Variants in KLHL1 observed in about 807,000 individuals in gnomAD.
KLHL1 encodes kelch-like protein 1.
KLHL1 carries 47 observed loss-of-function variants against 77.7 expected under a neutral mutation model. The ratio of observed to expected loss-of-function variants is 0.60; its 90% CI spans 0.48 to 0.77. KLHL1 has a LOEUF of 0.77. KLHL1 is among the 30% of genes least tolerant of loss of function. The probability of loss-of-function intolerance (pLI) is 0.00; values close to 1 mark genes in which losing one functional copy is unlikely to be tolerated. For missense variants in KLHL1, 925 were observed against 910.8 expected (o/e 1.02, Z -0.20); for synonymous variants, 360 against 325.2 (o/e 1.11, Z -1.15).
chr13:69,752,779 T>C (rs1490936932), intron 7 of KLHL1, among the ~76,000 whole-genome samples: 1 of 152,102 alleles, frequency 6.6e-6, no homozygotes, highest in East Asian at 1.9e-4. Flanking sequence ...GAGCGGAACA[T>C]AGAAAAAAAC....
chr13:70,041,101 G>A (rs1035957090), intron 1 of KLHL1, among the ~76,000 whole-genome samples: 10 of 151,868 alleles, frequency 6.6e-5, no homozygotes, highest in Admixed American at 2.0e-4. Context: ...GTTCTTCATT[G>A]TCTCTTCTAT....
chr13:69,722,941 G>C (rs899926462), intron 8 of KLHL1, among the ~76,000 whole-genome samples: 2 of 151,952 alleles, frequency 1.3e-5, no homozygotes, highest in African/African-American at 4.8e-5. Flanking sequence ...TGGATAAATG[G>C]ATAATGGAAA....
chr13:69,937,154 GC>G (rs1883212149), intron 4 of KLHL1, among the ~76,000 whole-genome samples: 1 of 152,160 alleles, frequency 6.6e-6, no homozygotes, highest in African/African-American at 2.4e-5. Context: ...TGACAACTCA[GC>G]AGGGAAGGAA....
At chr13:69,784,016 TG>T (rs1465249119) in intron 7 of KLHL1, among the ~76,000 whole-genome samples, 2 of 152,162 alleles carry the variant, frequency 1.3e-5, no homozygotes, top group Non-Finnish European at 2.9e-5. Flanking sequence ...CAGAAGAGAC[TG>T]GGGGCCAAAA....
In KLHL1 at chr13:69,882,379, A is replaced by C. The variant is rs1345459340; in HGVS notation, c.1131T>G (p.His377Gln). The part of the protein sequence containing the change: ...VNVPDEETIF[H>Q]ALMMWVKYDM... The stretch of plus-strand genomic sequence containing the variant: ...CATACTTGACCCACATCATCAATGC[A>C]TGGAAGATGGTTTCTTCATCAGGAA... The change falls in exon 5 of 11, where the codon CAT becomes CAG. Residue 377 changes from histidine to glutamine, a missense_variant. Coordinates refer to ENST00000377844, the MANE Select transcript of KLHL1 (RefSeq NM_020866.3). 1.2e-6 allele frequency: 2 copies of C among 1,613,694 alleles called. No homozygotes were observed. The highest frequency in any genetic ancestry group is 1.7e-6 in the Non-Finnish European group (2 of 1,179,610).
intron 1 of KLHL1, among the ~76,000 whole-genome samples, chr13:70,053,689 A>C (rs1886680434): frequency 6.6e-6 from 1 of 152,146 alleles, no homozygotes; most frequent in African/African-American, 2.4e-5. Flanking sequence ...ATATGTTTTT[A>C]GACTGTGTAT....
At chr13:69,755,608 T>C (rs1439429606) in intron 7 of KLHL1, among the ~76,000 whole-genome samples, 1 of 152,096 alleles carries the variant, frequency 6.6e-6, no homozygotes, top group Non-Finnish European at 1.5e-5. Context: ...TTAATGTAAC[T>C]AATACATCTT....
rs1382502688 is a variant in KLHL1 at position 69,988,751 on chromosome 13, G to A, written c.498-12949C>T. Among the ~76,000 whole-genome samples, 3 of 152,144 alleles carry A rather than the reference G, an allele frequency of 2.0e-5. No individual in the cohort carries two copies. In the East Asian group the frequency reaches 5.8e-4, roughly 29 times the overall value. On this transcript the variant is annotated intron_variant, in intron 1 of 10. Transcript: ENST00000377844. ...TTTTTCATAAGTATATTGGCTGCAA[G>A]TATGTCTTCCTTTGACAAGTGTCTT...
chr13:70,106,429 A>T (rs1013529432), intron 1 of KLHL1, among the ~76,000 whole-genome samples: 28 of 152,274 alleles, frequency 1.8e-4, no homozygotes, highest in African/African-American at 6.3e-4. Context: ...TCTATGAAGG[A>T]TTTTCTGTAA....
intron 1 of KLHL1, among the ~76,000 whole-genome samples, chr13:70,028,563 T>C (rs2137362376): frequency 6.6e-6 from 1 of 152,212 alleles, no homozygotes; most frequent in Middle Eastern, 3.4e-3. Context: ...AATGAATATT[T>C]CCCAATACTA....
At chr13:69,774,124 T>C (rs12427812) in intron 7 of KLHL1, among the ~76,000 whole-genome samples, 19,472 of 151,814 alleles carry the variant, frequency 0.13, 1,570 homozygotes, top group African/African-American at 0.23. Context: ...AACACAGCAG[T>C]ATTACTCTTT....
intron 1 of KLHL1, among the ~76,000 whole-genome samples, chr13:70,037,346 G>A (rs1886264848): frequency 6.6e-6 from 1 of 151,972 alleles, no homozygotes; most frequent in Non-Finnish European, 1.5e-5. Context: ...TAAGCACGTT[G>A]AACATATAAT....
At chr13:69,995,009 C>T (rs1244471258) in intron 1 of KLHL1, among the ~76,000 whole-genome samples, 1 of 152,060 alleles carries the variant, frequency 6.6e-6, no homozygotes, top group Admixed American at 6.6e-5. Context: ...GTACCAAAGA[C>T]AGTGTGGACA....
chr13:70,052,329 A>G (rs1257908850), intron 1 of KLHL1, among the ~76,000 whole-genome samples: 3 of 151,812 alleles, frequency 2.0e-5, no homozygotes, highest in African/African-American at 7.3e-5. Context: ...ATGTAAACTG[A>G]TGAGAAAGAA....
chr13:69,830,058 G>C (rs1250138279), intron 6 of KLHL1, among the ~76,000 whole-genome samples: 3 of 149,566 alleles, frequency 2.0e-5, no homozygotes, highest in Admixed American at 6.7e-5. Context: ...AAAAAAGAAG[G>C]TATTCAGGCA....
chr13:69,767,938 G>C (rs1393662535), intron 7 of KLHL1, among the ~76,000 whole-genome samples: 3 of 151,976 alleles, frequency 2.0e-5, no homozygotes, highest in Non-Finnish European at 4.4e-5. Flanking sequence ...ATCAATATCT[G>C]GCCTCAAACT....
intron 5 of KLHL1, among the ~76,000 whole-genome samples, chr13:69,881,927 C>T (rs1015524002): frequency 6.6e-6 from 1 of 152,088 alleles, no homozygotes; most frequent in Non-Finnish European, 1.5e-5. Flanking sequence ...AAATAATTGA[C>T]AGGAGACACT....
chr13:69,749,200 C>G (rs1874360546), intron 7 of KLHL1, among the ~76,000 whole-genome samples: 1 of 151,924 alleles, frequency 6.6e-6, no homozygotes, highest in Non-Finnish European at 1.5e-5. Context: ...CATTCAACTA[C>G]TTCCTAATGG....
At chr13:69,878,551 C>A (rs1224593300) in intron 5 of KLHL1, among the ~76,000 whole-genome samples, 2 of 151,762 alleles carry the variant, frequency 1.3e-5, no homozygotes, top group African/African-American at 4.8e-5. Context: ...TTAAATATTG[C>A]TAGTATTTTA....
Sources: gnomAD v4.1 joint callset for allele counts (sites outside exome capture counted in the v4.1 genomes callset) on GRCh38, gnomAD v4.1.1 for gene constraint, MANE v1.5 for transcripts, NCBI Gene and HGNC (gene_info 2026-07-23, HGNC 2026-07-21) for gene names.